Variants in TET1 observed in about 807,000 individuals in gnomAD.
The protein encoded by TET1 is methylcytosine dioxygenase TET1.
TET1 carries 13 observed loss-of-function variants against 148.7 expected under a neutral mutation model. That is an observed-to-expected ratio of 0.09 (90% CI 0.06 to 0.14). The LOEUF is 0.14. Among genes scored for constraint, TET1 ranks in the 10% least tolerant of loss-of-function variants. The pLI is 1.00. For synonymous variants in TET1, 907 were observed against 937.2 expected, an observed-to-expected ratio of 0.97 and a Z score of 0.59; for missense variants, 2,182 against 2,553.8, an observed-to-expected ratio of 0.85 and a Z score of 3.14.
Position 68,682,937 on chromosome 10 carries a change from C to T in TET1, c.5016C>T (p.His1672=). 2 of 1,613,946 alleles carry T rather than the reference C, an allele frequency of 1.2e-6. No homozygotes were observed. The highest frequency in any genetic ancestry group is 2.2e-5 in the South Asian group (2 of 91,004). The change falls in exon 10 of 12, where the codon CAC becomes CAT. Residue 1672 remains histidine, a synonymous_variant. Transcript: ENST00000373644. ...GCCTGGACTTCTGTGCTCATCCCCACAGGGACATTCACAACATGAATAATG... is the reference window on the plus strand; with the variant it reads ...GCCTGGACTTCTGTGCTCATCCCCATAGGGACATTCACAACATGAATAATG... ...TACLDFCAHP[H]RDIHNMNNGS...
At chr10:68,683,005 G>T in intron 10 of TET1, 32 bp downstream of exon 10, 1 of 1,609,674 alleles carries the variant, frequency 6.2e-7, no homozygotes, top group Non-Finnish European at 8.5e-7. Flanking sequence ...TATTCTAAAA[G>T]CTCCATCACT....
chr10:68,694,369 A>G lies in TET1; in HGVS notation c.*2555A>G, dbSNP rs1349348062. The G allele has an allele frequency of 4.3e-6, 1 of 232,458 alleles. No homozygotes were observed. Among genetic ancestry groups the G allele is most frequent in the Non-Finnish European group, 8.5e-6 (1 of 117,698 alleles). 14.4% of individuals were successfully genotyped at this position (232,458 alleles called of 1,614,324 possible). A position where few individuals can be genotyped will look rare whatever the true frequency, so the allele number is the denominator to read the frequency against. On this transcript the variant is annotated 3_prime_UTR_variant, in exon 12 of 12. Transcript: ENST00000373644. ...ATTCTCTGCCCTGTGATTTTTTTTA[A>G]AAGCTTATTCAATGTTCTGCAGCAT...
At position 68,646,068 on chromosome 10, in the gene TET1, G is replaced by A; in HGVS notation, c.3339G>A (p.Gln1113=). ...CAAGCCTTGTCACATGTAATGTACAGCAAAAATACAATCAGGAGAAGGGCA... is the reference window on the plus strand; with the variant it reads ...CAAGCCTTGTCACATGTAATGTACAACAAAAATACAATCAGGAGAAGGGCA... The part of the protein sequence containing the change: ...TPTSLVTCNV[Q]QKYNQEKGTI... The change falls in exon 4 of 12, where the codon CAG becomes CAA. Residue 1113 remains glutamine (Q), a synonymous_variant. Transcript: ENST00000373644. 1 of 1,614,042 alleles carries A rather than the reference G, an allele frequency of 6.2e-7. No individual in the cohort carries two copies. Among genetic ancestry groups the A allele is most frequent in the Non-Finnish European group, 8.5e-7 (1 of 1,180,022 alleles).
Position 68,692,641 on chromosome 10 carries a change from T to C in TET1, c.*827T>C. 1 of 232,098 alleles carries C rather than the reference T, an allele frequency of 4.3e-6. No homozygotes were observed. The highest frequency in any genetic ancestry group is 8.5e-6 in the Non-Finnish European group (1 of 117,162). 14.4% of individuals were successfully genotyped at this position (232,098 alleles called of 1,614,324 possible). A position where few individuals can be genotyped will look rare whatever the true frequency, so the allele number is the denominator to read the frequency against. On this transcript the variant is annotated 3_prime_UTR_variant, in exon 12 of 12. Transcript: ENST00000373644. ...ACATTCAAGTATTAGCAACTTGCAG[T>C]ATATAAAATAGTTAGATAATGAGAA...
intron 3 of TET1, among the ~76,000 whole-genome samples, chr10:68,610,239 C>T (rs760614350): frequency 5.3e-5 from 8 of 151,744 alleles, no homozygotes; most frequent in Non-Finnish European, 1.0e-4. Flanking sequence ...GCTGATATTG[C>T]GCCACTGCAC....
chr10:68,640,757 T>C (rs554603753), intron 3 of TET1, among the ~76,000 whole-genome samples: 1 of 151,250 alleles, frequency 6.6e-6, no homozygotes, highest in African/African-American at 2.4e-5. Flanking sequence ...TTCACCATGT[T>C]AGCCAGGATG....
chr10:68,670,740 T>G (rs1460303712), intron 7 of TET1, among the ~76,000 whole-genome samples: 4 of 152,228 alleles, frequency 2.6e-5, no homozygotes, highest in Non-Finnish European at 5.9e-5. Flanking sequence ...TTAACCATTT[T>G]CATTCCATTT....
At chr10:68,654,948 TTCC>T (rs1047429855) in intron 6 of TET1, among the ~76,000 whole-genome samples, 3 of 152,168 alleles carry the variant, frequency 2.0e-5, no homozygotes, top group African/African-American at 7.2e-5. Context: ...GAGGCCTCAG[TTCC>T]TCCTCATCTT....
At chr10:68,648,121 C>T (rs988698153) in intron 4 of TET1, among the ~76,000 whole-genome samples, 5 of 152,144 alleles carry the variant, frequency 3.3e-5, no homozygotes, top group African/African-American at 1.2e-4. Context: ...GGACTGATCC[C>T]TAACCAATGT....
rs143880736 is a variant in TET1 at position 68,563,265 on chromosome 10, G to A, written c.-123+2523G>A. ...TCCCTGAACAGCTTTTACATGTGCC[G>A]AGGGCTCTCACACTTCCTGTGGTAG... On this transcript the variant is annotated intron_variant, in intron 1 of 11. Transcript: ENST00000373644. Among the ~76,000 whole-genome samples, 202 of 152,282 alleles carry A rather than the reference G, an allele frequency of 1.3e-3. 1 individual carries two copies. In the East Asian group the frequency reaches 0.014, roughly 11 times the overall value.
At chr10:68,616,814 T>C (rs1231118563) in intron 3 of TET1, among the ~76,000 whole-genome samples, 1 of 150,392 alleles carries the variant, frequency 6.6e-6, no homozygotes, top group Non-Finnish European at 1.5e-5. Context: ...TTCATGCCAT[T>C]CTCCTGCCTC....
chr10:68,661,225 G>GTTTTTTTTTTT (rs1564498225), intron 6 of TET1, among the ~76,000 whole-genome samples: 32 of 94,866 alleles, frequency 3.4e-4, no homozygotes, highest in African/African-American at 1.1e-3. Flanking sequence ...TTTTTTTGTA[G>GTTTTTTTTTTT]TTTTAGTAGA....
chr10:68,570,595 T>C (rs1175849093), intron 1 of TET1, among the ~76,000 whole-genome samples: 2 of 151,992 alleles, frequency 1.3e-5, no homozygotes, highest in African/African-American at 4.8e-5. Context: ...ATTTTTCTTT[T>C]GCAGTAAACA....
rs763992387 is a variant in TET1, at chr10:68,645,051, T to A, written c.2322T>A (p.Phe774Leu). Reference sequence around the variant, plus strand: ...TACCAGCTGAAACAAATGTTTCATTTAAAAAATTCAATATTGAAGAATTCG... The same window carrying A: ...TACCAGCTGAAACAAATGTTTCATTAAAAAAATTCAATATTGAAGAATTCG... ...HCLPAETNVSFKKFNIEEFGK... is the reference protein window; with the variant it reads ...HCLPAETNVSLKKFNIEEFGK... The change falls in exon 4 of 12, where the codon TTT becomes TTA. Residue 774 changes from phenylalanine (F) to leucine (L), a missense_variant. Coordinates refer to ENST00000373644, the MANE Select transcript of TET1 (RefSeq NM_030625.3). 4 of 1,613,138 alleles carry A rather than the reference T, an allele frequency of 2.5e-6. No homozygotes were observed. Among genetic ancestry groups the A allele is most frequent in the Non-Finnish European group, 2.5e-6 (3 of 1,179,752 alleles).
chr10:68,594,850 G>A (rs1346097465), intron 2 of TET1, among the ~76,000 whole-genome samples: 3 of 151,834 alleles, frequency 2.0e-5, no homozygotes, highest in South Asian at 2.1e-4. Flanking sequence ...GTGGTGGCAC[G>A]TGCCTGTAAT....
Position 68,646,499 on chromosome 10 carries a change from T to A in TET1, c.3770T>A (p.Val1257Asp), listed in dbSNP as rs575980151. 2.0e-5 allele frequency: 33 copies of A among 1,614,108 alleles called. No individual in the cohort carries two copies. The South Asian group carries it at 3.5e-4, about 17-fold the overall frequency. Residue 1257 changes from valine to aspartate, a missense_variant, in exon 4 of 12, where the codon GTT (valine) becomes GAT (aspartate). Physicochemically the swap from Val to Asp is radical, Grantham distance 152. Around this residue, in one of 11 missense-constraint regions of TET1, gnomAD observed 582 missense variants for 599.5 expected, o/e 0.97. Transcript: ENST00000373644. The stretch of plus-strand genomic sequence containing the variant: ...GAATCAGCAGAGGAAAAGGTGAAGG[T>A]TGAACCATTGGATTCACTCAGCTTA... ...YPESAEEKVK[V>D]EPLDSLSLFH...
intron 8 of TET1, among the ~76,000 whole-genome samples, chr10:68,675,589 T>G (rs987154229): frequency 7.0e-6 from 1 of 143,580 alleles, no homozygotes; most frequent in Non-Finnish European, 1.5e-5. Flanking sequence ...TTTTTGAGTC[T>G]GGGTCTCGCT....
chr10:68,643,261 C>CAAAAAAAAAA (rs59820865), intron 3 of TET1, among the ~76,000 whole-genome samples: 1 of 91,858 alleles, frequency 1.1e-5, no homozygotes, highest in Non-Finnish European at 2.0e-5. Flanking sequence ...GACCCTGTCT[C>CAAAAAAAAAA]AAAAAAAAAA....
chr10:68,608,563 C>T (rs1224926597), intron 3 of TET1, among the ~76,000 whole-genome samples: 2 of 152,006 alleles, frequency 1.3e-5, no homozygotes, highest in East Asian at 3.9e-4. Context: ...GAGATGGAGT[C>T]TTGGTTTGTC....
Sources: allele counts gnomAD v4.1 joint callset (sites outside exome capture counted in the v4.1 genomes callset), GRCh38; gene constraint gnomAD v4.1.1; regional missense constraint gnomAD v4.1.1; transcripts MANE v1.5; gene names NCBI Gene and HGNC (gene_info 2026-07-23, HGNC 2026-07-21).